Variants in GALNTL6 observed in about 807,000 individuals in gnomAD.
GALNTL6 encodes the protein polypeptide N-acetylgalactosaminyltransferase like 6.
A neutral mutation model predicts 73.7 loss-of-function variants in GALNTL6; 46 were observed. The observed-to-expected ratio is 0.62, with a 90% CI of 0.49 to 0.80. The LOEUF (loss-of-function observed/expected upper bound fraction) is 0.80, where lower values mean the gene tolerates loss of function less well. GALNTL6 is among the 30% of genes least tolerant of loss of function. The probability of loss-of-function intolerance (pLI) is 0.00; values close to 1 mark genes in which losing one functional copy is unlikely to be tolerated. For missense variants in GALNTL6, 604 were observed against 755.0 expected, an observed-to-expected ratio of 0.80 and a Z score of 2.34; for synonymous variants, 259 against 263.7, an observed-to-expected ratio of 0.98 and a Z score of 0.17.
intron 2 of GALNTL6, among the ~76,000 whole-genome samples, chr4:171,911,905 A>G (rs1209343833): frequency 6.6e-6 from 1 of 152,202 alleles, no homozygotes; most frequent in Non-Finnish European, 1.5e-5. Flanking sequence ...AAACATCCAT[A>G]CATTTTTAAT....
At chr4:172,908,605 C>T (rs1192018136) in intron 8 of GALNTL6, among the ~76,000 whole-genome samples, 3 of 123,122 alleles carry the variant, frequency 2.4e-5, no homozygotes, top group African/African-American at 6.4e-5. Context: ...TATGCATGAG[C>T]GTGAGTGTGT....
Position 172,627,148 on chromosome 4 carries a change from A to C in GALNTL6, c.554-182213A>C, listed in dbSNP as rs1739200391. ...GCTGTGAGTTTGTCATAGATGACTCATTATTCTGAGGTACGTTTCTTCAAT... is the reference window on the plus strand; with the variant it reads ...GCTGTGAGTTTGTCATAGATGACTCCTTATTCTGAGGTACGTTTCTTCAAT... On this transcript the variant is annotated intron_variant, in intron 5 of 12. Coordinates refer to ENST00000506823, the MANE Select transcript of GALNTL6 (RefSeq NM_001034845.3). Among the ~76,000 whole-genome samples, 6 of 152,006 alleles carry C rather than the reference A, an allele frequency of 3.9e-5. No individual in the cohort carries two copies. In the South Asian group the frequency reaches 1.2e-3, roughly 31 times the overall value.
intron 7 of GALNTL6, among the ~76,000 whole-genome samples, chr4:172,816,445 T>C (rs2111008159): frequency 6.6e-6 from 1 of 152,300 alleles, no homozygotes; most frequent in Non-Finnish European, 1.5e-5. Flanking sequence ...ATTAATTGGA[T>C]TGAATTCAAT....
intron 12 of GALNTL6, among the ~76,000 whole-genome samples, chr4:173,033,464 G>A (rs1395687540): frequency 2.0e-5 from 3 of 151,750 alleles, no homozygotes; most frequent in Admixed American, 1.3e-4. Flanking sequence ...TGTTATTTGC[G>A]TTCTCTCAGA....
chr4:172,182,213 G>A (rs569464847), intron 2 of GALNTL6, among the ~76,000 whole-genome samples: 5 of 152,312 alleles, frequency 3.3e-5, no homozygotes, highest in Non-Finnish European at 7.4e-5. Context: ...GGATGTGAAA[G>A]ACCTCTTCAT....
intron 8 of GALNTL6, among the ~76,000 whole-genome samples, chr4:172,903,779 C>T (rs549724227): frequency 9.9e-5 from 15 of 152,194 alleles, no homozygotes; most frequent in East Asian, 3.9e-4. Flanking sequence ...AGAATCCTTT[C>T]GGGGGTTTGT....
At chr4:172,058,050 T>G (rs1049715027) in intron 2 of GALNTL6, among the ~76,000 whole-genome samples, 2 of 152,054 alleles carry the variant, frequency 1.3e-5, no homozygotes, top group African/African-American at 4.8e-5. Flanking sequence ...TGGAGTTTTT[T>G]GTTTGTTTTT....
intron 2 of GALNTL6, among the ~76,000 whole-genome samples, chr4:172,142,561 T>C (rs1360617180): frequency 6.6e-6 from 1 of 152,056 alleles, no homozygotes; most frequent in Non-Finnish European, 1.5e-5. Context: ...GGAATCTGAA[T>C]TACACAGTTG....
Position 172,809,492 on chromosome 4 carries a change from A to T in GALNTL6, c.685A>T (p.Thr229Ser). 1 of 1,613,782 alleles carries T rather than the reference A, an allele frequency of 6.2e-7. No homozygotes were observed. The highest frequency in any genetic ancestry group is 8.5e-7 in the Non-Finnish European group (1 of 1,179,822). Residue 229 changes from threonine (T) to serine (S), a missense_variant, in exon 6 of 13, where the codon ACA becomes TCA. By Grantham distance (58) the Thr-to-Ser change is moderately conservative. Coordinates refer to ENST00000506823, the MANE Select transcript of GALNTL6 (RefSeq NM_001034845.3). The surrounding 1 kb of genome is among the most constrained non-coding windows in gnomAD (Gnocchi z 4.4). ...ATCTATGGCCAGAGGAGAAGTCCTG[A>T]CATTCCTGGACTCCCACTGCGAGGT... ...GASMARGEVL[T>S]FLDSHCEVNV... is the part of the protein sequence containing the mutation.
rs558734603 is a variant in GALNTL6 at position 171,931,300 on chromosome 4, A to G, written c.138+116582A>G. ...GGCCTCAAGCAATCCTCTTGCTTCA[A>G]CCTCCCAAAGTGCTTGGATTATAGG... is the stretch of plus-strand genomic sequence containing the variant. On this transcript the variant is annotated intron_variant, in intron 2 of 12. Transcript: ENST00000506823. Among the ~76,000 whole-genome samples the G allele has an allele frequency of 3.9e-5, 6 of 152,172 alleles. No homozygotes were observed. In the South Asian group the frequency reaches 1.0e-3, roughly 26 times the overall value.
intron 2 of GALNTL6, among the ~76,000 whole-genome samples, chr4:172,172,106 C>G (rs1734848776): frequency 6.6e-6 from 1 of 152,184 alleles, no homozygotes; most frequent in South Asian, 2.1e-4. Flanking sequence ...GTAGATAGGG[C>G]CTTTAAAGAA....
In GALNTL6 at chr4:173,039,970, T is replaced by C. The variant is rs984642507; in HGVS notation, c.1676T>C (p.Met559Thr). The change falls in exon 13 of 13, where the codon ATG becomes ACG. Residue 559 changes from methionine (M) to threonine (T), a missense_variant. Around this residue, in one of 5 missense-constraint regions of GALNTL6, gnomAD observed 261 missense variants for 296.5 expected, o/e 0.88. Coordinates refer to ENST00000506823, the MANE Select transcript of GALNTL6 (RefSeq NM_001034845.3). ...TTCCATCCTGTGAGCAACAGCTGCATGGATTGCAACCCCGCAGAGAAGAAG... is the reference window on the plus strand; with the variant it reads ...TTCCATCCTGTGAGCAACAGCTGCACGGATTGCAACCCCGCAGAGAAGAAG... ...TLFHPVSNSC[M>T]DCNPAEKKIF... The C allele has an allele frequency of 1.2e-6, 2 of 1,613,862 alleles. No individual in the cohort carries two copies. Among genetic ancestry groups the C allele is most frequent in the Non-Finnish European group, 1.7e-6 (2 of 1,179,866 alleles).
At position 172,550,848 on chromosome 4, in the gene GALNTL6, T is replaced by C. The variant is rs77947136; in HGVS notation, c.553+202159T>C. On this transcript the variant is annotated intron_variant, in intron 5 of 12. Transcript: ENST00000506823. ...TGAATTGTTCATGTTTTTTCAAGAA[T>C]AGTGGTTCCCAAATCATCTACAGAT... Among the ~76,000 whole-genome samples the C allele has an allele frequency of 4.9e-3, 754 of 152,342 alleles. 8 individuals are homozygous for C. The highest frequency in any genetic ancestry group is 0.017 in the African/African-American group (698 of 41,572).
intron 5 of GALNTL6, among the ~76,000 whole-genome samples, chr4:172,724,992 A>G (rs1735712163): frequency 6.6e-6 from 1 of 151,960 alleles, no homozygotes; most frequent in Non-Finnish European, 1.5e-5. Flanking sequence ...TTCACATGCA[A>G]TGGAAGTCTT....
intron 7 of GALNTL6, among the ~76,000 whole-genome samples, chr4:172,843,861 C>T: frequency 6.6e-6 from 1 of 152,184 alleles, no homozygotes; most frequent in South Asian, 2.1e-4. Flanking sequence ...GAGTTCCTGA[C>T]CAGCCTGGGC....
chr4:172,395,330 G>T (rs1468879977), intron 5 of GALNTL6, among the ~76,000 whole-genome samples: 1 of 152,050 alleles, frequency 6.6e-6, no homozygotes, highest in Non-Finnish European at 1.5e-5. Flanking sequence ...TGCAAAGACT[G>T]AAAAAATATA....
intron 10 of GALNTL6, among the ~76,000 whole-genome samples, chr4:172,967,184 C>T (rs1309123847): frequency 6.6e-6 from 1 of 152,162 alleles, no homozygotes. Flanking sequence ...TAATTGATAA[C>T]CTAGTTGTAT....
In GALNTL6 at chr4:172,716,388, A is replaced by G. The variant is rs192581750; in HGVS notation, c.554-92973A>G. On this transcript the variant is annotated intron_variant, in intron 5 of 12. Transcript: ENST00000506823. The stretch of plus-strand genomic sequence containing the variant: ...ATGTAAATCAACTAGGTCACAGAGT[A>G]GTTCAGCTGATAGGTTTTATAATAA... 4.6e-5 allele frequency among the ~76,000 whole-genome samples: 7 copies of G among 152,308 alleles called. 1 individual carries two copies. Among genetic ancestry groups the G allele is most frequent in the Middle Eastern group, 6.8e-3 (2 of 294 alleles).
chr4:172,052,098 G>T (rs1730890646), intron 2 of GALNTL6, among the ~76,000 whole-genome samples: 1 of 152,206 alleles, frequency 6.6e-6, no homozygotes, highest in East Asian at 1.9e-4. Context: ...CTTTACAAGT[G>T]TATTCACCTA....
Sources: gnomAD v4.1 joint callset for allele counts (sites outside exome capture counted in the v4.1 genomes callset) on GRCh38, gnomAD v4.1.1 for gene constraint, gnomAD v4.1.1 regional missense constraint, Gnocchi (gnomAD v3.1) non-coding constraint, MANE v1.5 for transcripts, NCBI Gene and HGNC (gene_info 2026-07-23, HGNC 2026-07-21) for gene names.